TGFBR1: variants seen among roughly 807,000 people sequenced by gnomAD.
TGFBR1 encodes the protein transforming growth factor beta receptor 1.
TGFBR1 carries 20 observed loss-of-function variants against 55.1 expected under a neutral mutation model. The observed-to-expected ratio is 0.36, with a 90% confidence interval of 0.26 to 0.53. The LOEUF (loss-of-function observed/expected upper bound fraction) is 0.53. TGFBR1 is among the 20% of genes least tolerant of loss of function. The pLI is 0.91. For missense variants in TGFBR1, 385 were observed against 617.6 expected, an observed-to-expected ratio of 0.62 and a Z score of 3.99; for synonymous variants, 220 against 214.8, an observed-to-expected ratio of 1.02 and a Z score of -0.21.
At chr9:99,132,827 C>A (rs1827287011) in intron 3 of TGFBR1, 88 bp downstream of exon 3, 15 of 1,524,750 alleles carry the variant, frequency 9.8e-6, no homozygotes, top group Non-Finnish European at 1.3e-5. Flanking sequence ...AGCCAACTTG[C>A]TAGAATGTGA....
chr9:99,134,802 T>TTATATATATATATATATATATA (rs10625219), intron 3 of TGFBR1, among the ~76,000 whole-genome samples: 1 of 41,384 alleles, frequency 2.4e-5, no homozygotes, highest in Non-Finnish European at 4.2e-5. Flanking sequence ...TCTGTTTCCA[T>TTATATATATATATATATATATA]TATATATATA....
intron 4 of TGFBR1, 24 bp from the exon 5 acceptor site, chr9:99,142,512 C>T (rs199770198): frequency 4.3e-5 from 70 of 1,613,604 alleles, no homozygotes; most frequent in Admixed American, 1.8e-4. Flanking sequence ...GCAGCCCAAC[C>T]GAAATGTTAA....
intron 1 of TGFBR1, among the ~76,000 whole-genome samples, chr9:99,113,261 C>A (rs139659652): frequency 2.0e-4 from 30 of 152,306 alleles, no homozygotes; most frequent in African/African-American, 7.2e-4. Flanking sequence ...TTCCTGCTTG[C>A]GGCCTAGGCC....
intron 1 of TGFBR1, among the ~76,000 whole-genome samples, chr9:99,113,788 G>A (rs1194228092): frequency 6.6e-6 from 1 of 152,186 alleles, no homozygotes; most frequent in Non-Finnish European, 1.5e-5. Context: ...TAGACTGAAA[G>A]GCAGAATTCA....
At chr9:99,136,206 TAGA>T (rs1312461458) in intron 3 of TGFBR1, among the ~76,000 whole-genome samples, 1 of 152,186 alleles carries the variant, frequency 6.6e-6, no homozygotes, top group Non-Finnish European at 1.5e-5. Context: ...TAATCCAATA[TAGA>T]TAATACAGTG....
At chr9:99,137,466 CT>C (rs1464006478) in intron 3 of TGFBR1, among the ~76,000 whole-genome samples, 3 of 152,148 alleles carry the variant, frequency 2.0e-5, no homozygotes, top group African/African-American at 7.2e-5. Context: ...TGACAGCTTA[CT>C]TTCTCTTTTC....
chr9:99,128,924 T>A lies in TGFBR1; in HGVS notation c.167T>A (p.Val56Asp). 6.2e-7 allele frequency: 1 copy of A among 1,614,014 alleles called. No individual in the cohort carries two copies. Among genetic ancestry groups the A allele is most frequent in the Non-Finnish European group, 8.5e-7 (1 of 1,179,946 alleles). Residue 56 changes from valine (V) to aspartate (D), a missense_variant, in exon 2 of 9, where the codon GTC (valine) becomes GAC (aspartate). Physicochemically the swap from Val to Asp is radical, Grantham distance 152 (BLOSUM62 -3). This residue lies in a region of TGFBR1 where 7 missense variants were observed against 26.8 expected (regional missense o/e 0.26). Coordinates refer to ENST00000374994, the MANE Select transcript of TGFBR1 (RefSeq NM_004612.4). ...TGTGTGACAGATGGGCTCTGCTTTG[T>A]CTCTGTCACAGAGACCACAGACAAA... ...FTCVTDGLCFVSVTETTDKVI... is the reference protein window; with the variant it reads ...FTCVTDGLCFDSVTETTDKVI...
At chr9:99,110,192 G>T (rs868027793) in intron 1 of TGFBR1, among the ~76,000 whole-genome samples, 55 of 152,190 alleles carry the variant, frequency 3.6e-4, no homozygotes, top group African/African-American at 1.2e-3. Context: ...ATCAGATCAA[G>T]TCTTTTATAA....
intron 1 of TGFBR1, among the ~76,000 whole-genome samples, chr9:99,114,772 G>C (rs1212657556): frequency 6.6e-6 from 1 of 152,192 alleles, no homozygotes; most frequent in Non-Finnish European, 1.5e-5. Flanking sequence ...CTTTTGGTGT[G>C]TCTCCATTTG....
rs1238675507 is a variant in TGFBR1, at chr9:99,149,292, G to C, written c.1499G>C (p.Gly500Ala). The change falls in exon 9 of 9, where the codon GGC becomes GCC. Residue 500 changes from glycine to alanine, a missense_variant. Around this residue, in one of 5 missense-constraint regions of TGFBR1, gnomAD observed 110 missense variants for 154.6 expected, o/e 0.71. Coordinates refer to ENST00000374994, the MANE Select transcript of TGFBR1 (RefSeq NM_004612.4). ...TTATCGCAACTCAGTCAACAGGAAG[G>C]CATCAAAATGTAATTCTACAGCTTT... is the stretch of plus-strand genomic sequence containing the variant. The part of the protein sequence containing the change: ...KTLSQLSQQE[G>A]IKM 2 of 1,613,714 alleles carry C rather than the reference G, an allele frequency of 1.2e-6. No homozygotes were observed. The highest frequency in any genetic ancestry group is 1.3e-5 in the African/African-American group (1 of 74,976).
intron 1 of TGFBR1, among the ~76,000 whole-genome samples, chr9:99,124,000 G>C (rs1243536854): frequency 6.6e-6 from 1 of 152,144 alleles, no homozygotes; most frequent in African/African-American, 2.4e-5. Context: ...AAACATCGTA[G>C]TTAGCATCTT....
intron 1 of TGFBR1, among the ~76,000 whole-genome samples, chr9:99,116,255 T>C (rs1409491364): frequency 1.3e-5 from 2 of 151,990 alleles, no homozygotes; most frequent in East Asian, 3.9e-4. Flanking sequence ...CAGCCTGCTC[T>C]TGCCTTACCA....
intron 1 of TGFBR1, among the ~76,000 whole-genome samples, chr9:99,127,245 A>G (rs1477044572): frequency 1.3e-5 from 2 of 152,118 alleles, no homozygotes; most frequent in Middle Eastern, 3.2e-3. Flanking sequence ...CTCAACAACA[A>G]TGTGTGACAG....
rs758280185 is a variant in TGFBR1, at chr9:99,144,823, A to G, written c.1065A>G (p.Ala355=). 4 of 1,613,960 alleles carry G rather than the reference A, an allele frequency of 2.5e-6. No homozygotes were observed. The South Asian group carries it at 3.3e-5, about 13-fold the overall frequency. ...GTCCIADLGL[A]VRHDSATDTI... ...GCTGTATTGCAGACTTAGGACTGGCAGTAAGACATGATTCAGCCACAGATA... is the reference window on the plus strand; with the variant it reads ...GCTGTATTGCAGACTTAGGACTGGCGGTAAGACATGATTCAGCCACAGATA... Residue 355 remains alanine, a synonymous_variant, in exon 6 of 9, where the codon GCA becomes GCG. Transcript: ENST00000374994.
At chr9:99,110,879 T>C (rs1185717903) in intron 1 of TGFBR1, among the ~76,000 whole-genome samples, 1 of 152,252 alleles carries the variant, frequency 6.6e-6, no homozygotes, top group African/African-American at 2.4e-5. Flanking sequence ...GTATGTACTC[T>C]TTTCCTATAC....
At chr9:99,147,435 T>C (rs1204427676) in intron 7 of TGFBR1, among the ~76,000 whole-genome samples, 1 of 152,162 alleles carries the variant, frequency 6.6e-6, no homozygotes, top group Non-Finnish European at 1.5e-5. Context: ...GCTTTATTGA[T>C]CTCATGGCAA....
chr9:99,118,492 A>G (rs1396943462), intron 1 of TGFBR1, among the ~76,000 whole-genome samples: 1 of 152,090 alleles, frequency 6.6e-6, no homozygotes, highest in Admixed American at 6.6e-5. Flanking sequence ...AAATTCTGCA[A>G]TTTACTGAAA....
chr9:99,121,284 AGG>A (rs1826891184), intron 1 of TGFBR1, among the ~76,000 whole-genome samples: 1 of 152,156 alleles, frequency 6.6e-6, no homozygotes, highest in African/African-American at 2.4e-5. Context: ...TAGCCCCAGG[AGG>A]GTTGAATTGA....
intron 1 of TGFBR1, among the ~76,000 whole-genome samples, chr9:99,116,614 A>G (rs1272774885): frequency 6.6e-6 from 1 of 152,206 alleles, no homozygotes; most frequent in Non-Finnish European, 1.5e-5. Context: ...TCCAAGGTAT[A>G]AATAACATCA....
Sources: allele counts gnomAD v4.1 joint callset (sites outside exome capture counted in the v4.1 genomes callset), GRCh38; gene constraint gnomAD v4.1.1; regional missense constraint gnomAD v4.1.1; transcripts MANE v1.5; gene names NCBI Gene and HGNC (gene_info 2026-07-23, HGNC 2026-07-21).